GRIN2A: variants seen among roughly 807,000 people sequenced by gnomAD.
GRIN2A encodes the protein glutamate ionotropic receptor NMDA type subunit 2A, also known as glutamate receptor ionotropic, NMDA 2A.
A neutral mutation model predicts 113.4 loss-of-function variants in GRIN2A; 22 were observed. The observed-to-expected ratio is 0.19, with a 90% CI of 0.14 to 0.28. GRIN2A has a LOEUF of 0.28. GRIN2A is among the 10% of genes least tolerant of loss of function. The probability of loss-of-function intolerance (pLI) is 1.00; values close to 1 mark genes in which losing one functional copy is unlikely to be tolerated. For synonymous variants in GRIN2A, 827 were observed against 738.4 expected (o/e 1.12, Z -1.94); for missense variants, 1,502 against 1,887.0 (o/e 0.80, Z 3.78).
chr16:10,108,001 A>C (rs1185285920), intron 2 of GRIN2A, among the ~76,000 whole-genome samples: 3 of 152,230 alleles, frequency 2.0e-5, no homozygotes, highest in Non-Finnish European at 4.4e-5. Context: ...ACCCTGGGCT[A>C]GATCCTACTC....
intron 2 of GRIN2A, among the ~76,000 whole-genome samples, chr16:10,074,808 G>A (rs1381635485): frequency 6.6e-6 from 1 of 152,178 alleles, no homozygotes; most frequent in African/African-American, 2.4e-5. Context: ...AGGGAGTGGT[G>A]ATGGTTGCAC....
chr16:10,131,506 A>G (rs1206548143), intron 2 of GRIN2A, among the ~76,000 whole-genome samples: 3 of 151,684 alleles, frequency 2.0e-5, no homozygotes, highest in African/African-American at 7.3e-5. Context: ...GTATAACAAT[A>G]AATAAGAGAG....
intron 2 of GRIN2A, among the ~76,000 whole-genome samples, chr16:10,102,377 C>G (rs560507413): frequency 6.6e-6 from 1 of 152,192 alleles, no homozygotes; most frequent in Admixed American, 6.5e-5. Flanking sequence ...ATGCTACCCC[C>G]CTTTCACCTT....
chr16:9,770,969 G>A (rs1384165435), intron 11 of GRIN2A, among the ~76,000 whole-genome samples: 2 of 152,152 alleles, frequency 1.3e-5, no homozygotes, highest in Non-Finnish European at 2.9e-5. Context: ...TATACAGTAA[G>A]TCTGTGTTTC....
chr16:10,121,438 A>C (rs1311806213), intron 2 of GRIN2A: 1 of 151,380 alleles, frequency 6.6e-6, no homozygotes, highest in Non-Finnish European at 1.5e-5. Context: ...TACCCCACAG[A>C]TACCTTCTCC....
intron 4 of GRIN2A, among the ~76,000 whole-genome samples, chr16:9,865,076 C>T (rs924738400): frequency 2.8e-4 from 42 of 152,228 alleles, no homozygotes; most frequent in African/African-American, 1.0e-3. Context: ...CTACTTTGCT[C>T]CAGGCTTGTC....
intron 12 of GRIN2A, among the ~76,000 whole-genome samples, chr16:9,765,325 CA>C (rs1900847784): frequency 6.6e-6 from 1 of 152,208 alleles, no homozygotes; most frequent in South Asian, 2.1e-4. Flanking sequence ...TAAAGTTTCC[CA>C]GCATCATCTT....
chr16:10,158,268 G>C (rs944558357), intron 2 of GRIN2A, among the ~76,000 whole-genome samples: 4 of 152,184 alleles, frequency 2.6e-5, no homozygotes, highest in Non-Finnish European at 5.9e-5. Context: ...GCCTCCCAAA[G>C]TGCTAGGATT....
chr16:9,819,276 T>C (rs1266678319), intron 10 of GRIN2A, among the ~76,000 whole-genome samples: 2 of 152,144 alleles, frequency 1.3e-5, no homozygotes, highest in Non-Finnish European at 2.9e-5. Context: ...TCCCAGCACT[T>C]TGAGAGGCTG....
intron 2 of GRIN2A, among the ~76,000 whole-genome samples, chr16:10,040,123 T>G (rs971089507): frequency 9.1e-4 from 2 of 2,188 alleles, no homozygotes; most frequent in African/African-American, 1.7e-3. Context: ...CCGCACACAC[T>G]ACACACATTC....
At chr16:9,866,987 A>G (rs1352925900) in intron 4 of GRIN2A, among the ~76,000 whole-genome samples, 1 of 152,214 alleles carries the variant, frequency 6.6e-6, no homozygotes, top group South Asian at 2.1e-4. Flanking sequence ...CTCCAGCGTC[A>G]TCCCTGGTCT....
intron 4 of GRIN2A, among the ~76,000 whole-genome samples, chr16:9,865,004 A>G (rs184019489): frequency 2.6e-5 from 4 of 152,252 alleles, no homozygotes; most frequent in Admixed American, 1.3e-4. Context: ...GAGAATTTCA[A>G]TTTTCCTTAG....
At chr16:10,004,283 G>A (rs1158558339) in intron 2 of GRIN2A, among the ~76,000 whole-genome samples, 4 of 151,936 alleles carry the variant, frequency 2.6e-5, no homozygotes, top group Non-Finnish European at 5.9e-5. Context: ...CAGCTACTCA[G>A]GAGGCTGAGG....
At chr16:9,857,908 A>G (rs764386961) in intron 4 of GRIN2A, among the ~76,000 whole-genome samples, 8 of 152,254 alleles carry the variant, frequency 5.3e-5, no homozygotes, top group Non-Finnish European at 1.0e-4. Context: ...TTAGCCATAA[A>G]TCACGCTTTT....
At chr16:10,095,222 C>G (rs1293494278) in intron 2 of GRIN2A, among the ~76,000 whole-genome samples, 1 of 152,126 alleles carries the variant, frequency 6.6e-6, no homozygotes, top group Non-Finnish European at 1.5e-5. Flanking sequence ...TCTTGGACTT[C>G]CAGCTTTTAG....
At chr16:10,138,014 A>G (rs2049237867) in intron 2 of GRIN2A, among the ~76,000 whole-genome samples, 1 of 152,146 alleles carries the variant, frequency 6.6e-6, no homozygotes, top group Admixed American at 6.5e-5. Context: ...CCAAATTTGG[A>G]TTTTACCAAT....
At chr16:9,923,615 A>G (rs968455512) in intron 3 of GRIN2A, among the ~76,000 whole-genome samples, 3 of 151,972 alleles carry the variant, frequency 2.0e-5, no homozygotes, top group African/African-American at 7.2e-5. Flanking sequence ...TTTATAGTAT[A>G]TATTTTAAAT....
At chr16:10,021,994 T>C (rs77547364) in intron 2 of GRIN2A, among the ~76,000 whole-genome samples, 2,446 of 152,256 alleles carry the variant, frequency 0.016, 44 homozygotes, top group Non-Finnish European at 0.023. Context: ...ATGGTCATAA[T>C]ACCTATCTCA....
At chr16:10,053,701 T>A (rs1328764648) in intron 2 of GRIN2A, among the ~76,000 whole-genome samples, 1 of 152,220 alleles carries the variant, frequency 6.6e-6, no homozygotes. Flanking sequence ...CCTTCTGTTG[T>A]CAGGGTCACT....
Sources: allele counts gnomAD v4.1 joint callset (sites outside exome capture counted in the v4.1 genomes callset), GRCh38; gene constraint gnomAD v4.1.1; transcripts MANE v1.5; gene names NCBI Gene and HGNC (gene_info 2026-07-23, HGNC 2026-07-21).